Variants in EDIL3 observed in about 807,000 individuals in gnomAD.
EDIL3 encodes EGF like and discoidin domains 3.
EDIL3 carries 37 observed loss-of-function variants against 67.4 expected under a neutral mutation model. The ratio of observed to expected loss-of-function variants is 0.55; its 90% CI spans 0.42 to 0.72. EDIL3 has a LOEUF of 0.72. Among genes scored for constraint, EDIL3 ranks in the 30% least tolerant of loss-of-function variants. The pLI is 0.00. For missense variants in EDIL3, 527 were observed against 586.3 expected, an observed-to-expected ratio of 0.90 and a Z score of 1.04; for synonymous variants, 195 against 196.3, an observed-to-expected ratio of 0.99 and a Z score of 0.05.
chr5:84,016,797 T>G (rs892521326), intron 9 of EDIL3, among the ~76,000 whole-genome samples: 1 of 152,190 alleles, frequency 6.6e-6, no homozygotes, highest in Admixed American at 6.6e-5. Context: ...GAAACACTCC[T>G]GGTTCCAAGT....
intron 1 of EDIL3, among the ~76,000 whole-genome samples, chr5:84,265,577 C>T (rs1050846930): frequency 3.3e-5 from 5 of 152,168 alleles, no homozygotes; most frequent in Non-Finnish European, 5.9e-5. Flanking sequence ...ATGAAGACAA[C>T]GTTTTATAAA....
At chr5:84,233,317 C>T (rs1166069446) in intron 2 of EDIL3, among the ~76,000 whole-genome samples, 1 of 152,182 alleles carries the variant, frequency 6.6e-6, no homozygotes, top group Admixed American at 6.5e-5. Context: ...GCCCAGGCTT[C>T]TGCATTTTTT....
At chr5:84,337,370 G>C (rs568631926) in intron 1 of EDIL3, among the ~76,000 whole-genome samples, 1 of 152,148 alleles carries the variant, frequency 6.6e-6, no homozygotes, top group Non-Finnish European at 1.5e-5. Flanking sequence ...AGCGTGAAGA[G>C]AGGGAGTGGG....
intron 1 of EDIL3, among the ~76,000 whole-genome samples, chr5:84,295,625 A>G (rs1318823830): frequency 6.6e-6 from 1 of 152,084 alleles, no homozygotes; most frequent in African/African-American, 2.4e-5. Context: ...ATAGCAGAGT[A>G]ATAATATATA....
chr5:84,219,447 A>G (rs1744295527), intron 3 of EDIL3, among the ~76,000 whole-genome samples: 1 of 152,184 alleles, frequency 6.6e-6, no homozygotes, highest in Admixed American at 6.6e-5. Flanking sequence ...AATATAGGCA[A>G]TATTATTACA....
chr5:84,152,954 A>G (rs57404202), intron 4 of EDIL3, among the ~76,000 whole-genome samples: 2,542 of 152,346 alleles, frequency 0.017, 73 homozygotes, highest in African/African-American at 0.058. Context: ...AATATACTAT[A>G]CTAAATTCAT....
At chr5:84,307,590 A>G (rs113809849) in intron 1 of EDIL3, among the ~76,000 whole-genome samples, 11 of 152,240 alleles carry the variant, frequency 7.2e-5, no homozygotes, top group African/African-American at 2.7e-4. Context: ...GGCTGCATAC[A>G]TTGGGTCAAG....
intron 9 of EDIL3, among the ~76,000 whole-genome samples, chr5:84,028,771 A>G (rs747939470): frequency 6.6e-6 from 1 of 152,134 alleles, no homozygotes; most frequent in African/African-American, 2.4e-5. Context: ...ATACATAGAT[A>G]TACTAGTATA....
intron 10 of EDIL3, among the ~76,000 whole-genome samples, chr5:83,945,916 C>T (rs949355241): frequency 4.6e-5 from 7 of 151,908 alleles, no homozygotes; most frequent in East Asian, 3.9e-4. Context: ...AGTAATGACA[C>T]GTACAGAACA....
At chr5:84,112,227 T>C (rs945800063) in intron 5 of EDIL3, among the ~76,000 whole-genome samples, 1 of 152,010 alleles carries the variant, frequency 6.6e-6, no homozygotes, top group East Asian at 1.9e-4. Context: ...CCATAAAGAG[T>C]AGATTTAAGA....
chr5:84,073,656 C>T (rs1344909949), intron 6 of EDIL3, among the ~76,000 whole-genome samples: 2 of 151,658 alleles, frequency 1.3e-5, no homozygotes, highest in East Asian at 3.9e-4. Context: ...TGAAGGACCT[C>T]TTCAAGGAGA....
chr5:84,210,777 T>C (rs1290248934), intron 3 of EDIL3, among the ~76,000 whole-genome samples: 2 of 152,204 alleles, frequency 1.3e-5, no homozygotes, highest in East Asian at 3.9e-4. Context: ...TTTCATCGAA[T>C]AGACTATGAT....
chr5:84,023,739 T>C (rs148527702), intron 9 of EDIL3, among the ~76,000 whole-genome samples: 87 of 152,208 alleles, frequency 5.7e-4, no homozygotes, highest in South Asian at 5.2e-3. Context: ...AAGGTTCCCA[T>C]TAGTCTTATT....
chr5:84,370,472 C>T (rs2665123), intron 1 of EDIL3, among the ~76,000 whole-genome samples: 6 of 152,086 alleles, frequency 3.9e-5, no homozygotes, highest in East Asian at 3.9e-4. Flanking sequence ...CAGGGCACTG[C>T]GGCAATTAGT....
At chr5:84,240,995 T>C (rs571141635) in intron 2 of EDIL3, among the ~76,000 whole-genome samples, 36 of 152,204 alleles carry the variant, frequency 2.4e-4, no homozygotes, top group Admixed American at 2.0e-4. Flanking sequence ...TGTCTACAGA[T>C]TAAATAAATT....
intron 1 of EDIL3, among the ~76,000 whole-genome samples, chr5:84,367,490 A>C (rs1251072809): frequency 6.6e-6 from 1 of 152,176 alleles, no homozygotes; most frequent in African/African-American, 2.4e-5. Flanking sequence ...CAATATAAAA[A>C]GGGAATCTGA....
intron 1 of EDIL3, among the ~76,000 whole-genome samples, chr5:84,315,302 G>C (rs939008217): frequency 3.9e-5 from 6 of 152,116 alleles, no homozygotes; most frequent in Admixed American, 2.6e-4. Context: ...TTTAGAACTA[G>C]AGCAATCCAG....
At position 84,378,963 on chromosome 5, in the gene EDIL3, T is replaced by A. The variant is rs113023487; in HGVS notation, c.67+5345A>T. 7.8e-3 allele frequency among the ~76,000 whole-genome samples: 1,182 copies of A among 152,272 alleles called. 18 individuals are homozygous for A. The highest frequency in any genetic ancestry group is 0.027 in the African/African-American group (1,124 of 41,552). ...CAATCTTTTAATAATGATGACAAAA[T>A]ATCACTATCAATTTTACAGTAGATG... On this transcript the variant is annotated intron_variant, in intron 1 of 10. Coordinates refer to ENST00000296591, the MANE Select transcript of EDIL3 (RefSeq NM_005711.5).
chr5:84,137,493 A>G (rs1580344636), intron 4 of EDIL3, 139 bp from the exon 5 acceptor site: 2 of 639,922 alleles, frequency 3.1e-6, no homozygotes, highest in Non-Finnish European at 5.2e-6. Context: ...GTGTTTAGTC[A>G]GTAATACAAA....
Sources: allele counts gnomAD v4.1 joint callset (sites outside exome capture counted in the v4.1 genomes callset), GRCh38; gene constraint gnomAD v4.1.1; transcripts MANE v1.5; gene names NCBI Gene and HGNC (gene_info 2026-07-23, HGNC 2026-07-21).